The following PTPRK variants were observed in gnomAD, a reference collection of about 807,000 sequenced individuals.
PTPRK encodes protein tyrosine phosphatase receptor type K.
A neutral mutation model predicts 178.0 loss-of-function variants in PTPRK; 75 were observed. The observed-to-expected ratio is 0.42, with a 90% CI of 0.35 to 0.51. The LOEUF (loss-of-function observed/expected upper bound fraction) is 0.51. Ranked by LOEUF, PTPRK falls within the 20% of genes least tolerant of loss-of-function variation. PTPRK has a pLI of 0.02. For synonymous variants in PTPRK, 637 were observed against 620.6 expected (o/e 1.03, Z -0.39); for missense variants, 1,441 against 1,797.8 (o/e 0.80, Z 3.59).
intron 1 of PTPRK, among the ~76,000 whole-genome samples, chr6:128,450,595 T>C (rs1847663217): frequency 6.6e-6 from 1 of 152,214 alleles, no homozygotes; most frequent in South Asian, 2.1e-4. Flanking sequence ...AGGCACTACT[T>C]ACCTTTTCCA....
intron 13 of PTPRK, among the ~76,000 whole-genome samples, chr6:128,030,605 A>C (rs943991248): frequency 2.6e-5 from 4 of 152,158 alleles, no homozygotes; most frequent in African/African-American, 9.7e-5. Flanking sequence ...AATCTTATCA[A>C]AGCCTTTATA....
intron 7 of PTPRK, among the ~76,000 whole-genome samples, chr6:128,093,633 AAAAAAACAAAACAAAAC>A (rs1370873492): frequency 1.9e-4 from 29 of 148,758 alleles, no homozygotes; most frequent in African/African-American, 6.9e-4. Context: ...ACGAAAAAAC[AAAAAAACAAAACAAAAC>A]AAAAAACAAA....
rs1814487830 is a variant in PTPRK, at chr6:128,241,741, C to T, written c.577+780G>A. ...ATGTGCCTCTAAGGGCATAACAAAA[C>T]TGTGTATTAATAAACCGAGTTTCTT... On this transcript the variant is annotated intron_variant, in intron 4 of 29. Coordinates refer to ENST00000368226, the MANE Select transcript of PTPRK (RefSeq NM_002844.4). 1.3e-5 allele frequency among the ~76,000 whole-genome samples: 2 copies of T among 151,576 alleles called. 1 individual carries two copies. Among genetic ancestry groups the T allele is most frequent in the South Asian group, 4.2e-4 (2 of 4,810 alleles).
At chr6:128,089,318 A>G (rs561835267) in intron 8 of PTPRK, among the ~76,000 whole-genome samples, 1 of 152,376 alleles carries the variant, frequency 6.6e-6, no homozygotes, top group East Asian at 1.9e-4. Flanking sequence ...ATTGGTTTAT[A>G]AAATACAAAA....
At position 128,240,024 on chromosome 6, in the gene PTPRK, C is replaced by A; in HGVS notation, c.693+11G>T. The A allele has an allele frequency of 6.2e-7, 1 of 1,600,222 alleles. No homozygotes were observed. The highest frequency in any genetic ancestry group is 8.6e-7 in the Non-Finnish European group (1 of 1,168,312). On this transcript the variant is annotated intron_variant, in intron 5 of 29. Transcript: ENST00000368226. ...GTATACTCTTTAGCTCAGCTGCCAA[C>A]TTGGCCTTACCTGGAGCCATAACTT...
At chr6:128,298,690 C>T (rs1313214227) in intron 3 of PTPRK, among the ~76,000 whole-genome samples, 1 of 152,106 alleles carries the variant, frequency 6.6e-6, no homozygotes, top group Non-Finnish European at 1.5e-5. Context: ...TAAAAACTCT[C>T]AATAAATTAG....
chr6:128,243,081 C>A (rs964527572), intron 3 of PTPRK, among the ~76,000 whole-genome samples: 9 of 151,866 alleles, frequency 5.9e-5, no homozygotes, highest in Non-Finnish European at 1.3e-4. Context: ...ATGTTCCAGG[C>A]CAAAGGAACA....
chr6:128,403,025 G>A (rs1472274953), intron 1 of PTPRK, among the ~76,000 whole-genome samples: 1 of 152,102 alleles, frequency 6.6e-6, no homozygotes, highest in African/African-American at 2.4e-5. Context: ...CACATTTCAG[G>A]AAATCCAAAC....
chr6:128,044,256 CTACAT>C (rs1562486005), intron 13 of PTPRK, among the ~76,000 whole-genome samples: 1 of 151,968 alleles, frequency 6.6e-6, no homozygotes, highest in Admixed American at 6.6e-5. Flanking sequence ...ATTTTCCTTC[CTACAT>C]TACATTTAAT....
At chr6:128,076,924 C>T (rs1783926844) in intron 11 of PTPRK, among the ~76,000 whole-genome samples, 1 of 151,928 alleles carries the variant, frequency 6.6e-6, no homozygotes, top group African/African-American at 2.4e-5. Context: ...ATTTACAATA[C>T]CTTGCACAGT....
chr6:127,970,389 C>T, intron 29 of PTPRK, 109 bp from the exon 30 acceptor site: 1 of 756,228 alleles, frequency 1.3e-6, no homozygotes, highest in Non-Finnish European at 2.1e-6. Context: ...TCAAGGATTA[C>T]AATTTATTTT....
chr6:128,440,154 T>A (rs970301566), intron 1 of PTPRK, among the ~76,000 whole-genome samples: 4 of 152,196 alleles, frequency 2.6e-5, no homozygotes, highest in African/African-American at 9.6e-5. Flanking sequence ...GATTTTGGTA[T>A]GGGCAAGGGG....
At chr6:128,450,260 G>A (rs1434979445) in intron 1 of PTPRK, among the ~76,000 whole-genome samples, 2 of 152,168 alleles carry the variant, frequency 1.3e-5, no homozygotes, top group African/African-American at 2.4e-5. Flanking sequence ...TTATGACAAT[G>A]AGCAAGATCA....
intron 1 of PTPRK, among the ~76,000 whole-genome samples, chr6:128,499,572 C>T (rs1033053951): frequency 6.6e-5 from 10 of 152,102 alleles, no homozygotes; most frequent in Non-Finnish European, 1.5e-4. Context: ...GGAAGTGCCA[C>T]GACATAATAG....
At chr6:128,214,083 C>T (rs907380688) in intron 6 of PTPRK, among the ~76,000 whole-genome samples, 1 of 152,114 alleles carries the variant, frequency 6.6e-6, no homozygotes, top group African/African-American at 2.4e-5. Flanking sequence ...TACTGAATTT[C>T]TTCATGTAAA....
At chr6:128,061,622 G>A (rs766953466) in intron 13 of PTPRK, among the ~76,000 whole-genome samples, 26 of 152,112 alleles carry the variant, frequency 1.7e-4, no homozygotes, top group Non-Finnish European at 3.8e-4. Flanking sequence ...AGTCATCCAG[G>A]ACCAAGAAAG....
intron 2 of PTPRK, among the ~76,000 whole-genome samples, chr6:128,367,364 A>G (rs963328862): frequency 1.8e-4 from 28 of 152,300 alleles, no homozygotes; most frequent in African/African-American, 6.7e-4. Context: ...ACAGGATTCT[A>G]GAATCCAAGG....
chr6:128,045,296 G>A (rs1777864011), intron 13 of PTPRK, among the ~76,000 whole-genome samples: 2 of 151,794 alleles, frequency 1.3e-5, no homozygotes. Flanking sequence ...TTGAAGTCAT[G>A]GGCTTCTATA....
chr6:128,127,231 C>T (rs1793526409), intron 7 of PTPRK, among the ~76,000 whole-genome samples: 1 of 152,136 alleles, frequency 6.6e-6, no homozygotes, highest in Non-Finnish European at 1.5e-5. Context: ...AGTACTCCAA[C>T]TTTTTGTTTT....
Sources: allele counts gnomAD v4.1 joint callset (sites outside exome capture counted in the v4.1 genomes callset), GRCh38; gene constraint gnomAD v4.1.1; transcripts MANE v1.5; gene names NCBI Gene and HGNC (gene_info 2026-07-23, HGNC 2026-07-21).